Variants in DTD1 observed in about 807,000 individuals in gnomAD.
DTD1 encodes the protein D-aminoacyl-tRNA deacylase 1.
DTD1 carries 13 observed loss-of-function variants against 25.6 expected under a neutral mutation model. That is an observed-to-expected ratio of 0.51 (90% CI 0.33 to 0.81). DTD1 has a LOEUF of 0.81. DTD1 is among the 30% of genes least tolerant of loss of function. DTD1 has a pLI of 0.02. For synonymous variants in DTD1, 110 were observed against 103.6 expected (o/e 1.06, Z -0.37); for missense variants, 193 against 266.4 (o/e 0.72, Z 1.92).
chr20:18,623,717 C>T (rs1192927516), intron 3 of DTD1, among the ~76,000 whole-genome samples: 3 of 152,144 alleles, frequency 2.0e-5, no homozygotes, highest in East Asian at 1.9e-4. Flanking sequence ...GGGCCTCCTG[C>T]GTCCAGCCGG....
intron 4 of DTD1, among the ~76,000 whole-genome samples, chr20:18,658,315 A>T (rs981823372): frequency 1.3e-5 from 2 of 148,720 alleles, no homozygotes; most frequent in African/African-American, 5.0e-5. Flanking sequence ...TGTCTCTTCT[A>T]TTTATACTTA....
intron 4 of DTD1, among the ~76,000 whole-genome samples, chr20:18,716,184 C>T (rs1261709181): frequency 6.6e-6 from 1 of 152,238 alleles, no homozygotes; most frequent in Non-Finnish European, 1.5e-5. Context: ...GTTTCACACA[C>T]TTCCTCCAAA....
rs532444315 is a variant in DTD1 at position 18,665,880 on chromosome 20, G to A, written c.477+37647G>A. Among the ~76,000 whole-genome samples the A allele has an allele frequency of 6.6e-5, 10 of 152,192 alleles. No individual in the cohort carries two copies. The South Asian group carries it at 2.1e-3, about 32-fold the overall frequency. Reference sequence around the variant, plus strand: ...ACAGAAAAGTTGCAAAAATAGAAATGTTGCTGAGAGTATAGAGAGTACCCA... The same window carrying A: ...ACAGAAAAGTTGCAAAAATAGAAATATTGCTGAGAGTATAGAGAGTACCCA... On this transcript the variant is annotated intron_variant, in intron 4 of 5. Transcript: ENST00000377452.
chr20:18,594,404 C>T (rs2060601905), intron 2 of DTD1, among the ~76,000 whole-genome samples: 1 of 152,042 alleles, frequency 6.6e-6, no homozygotes. Flanking sequence ...TGGGCAAACT[C>T]GACTATAGAA....
chr20:18,620,782 A>G (rs1447668493), intron 3 of DTD1, among the ~76,000 whole-genome samples: 2 of 152,020 alleles, frequency 1.3e-5, no homozygotes, highest in Non-Finnish European at 2.9e-5. Flanking sequence ...TTTAAGAGGT[A>G]GAATATTGCT....
chr20:18,678,492 G>T (rs1344439151), intron 4 of DTD1, among the ~76,000 whole-genome samples: 1 of 152,108 alleles, frequency 6.6e-6, no homozygotes, highest in Non-Finnish European at 1.5e-5. Flanking sequence ...TCATTTTCTG[G>T]AAACTCGTAA....
At chr20:18,588,318 C>A (rs62216449) in intron 1 of DTD1, among the ~76,000 whole-genome samples, 23,166 of 152,006 alleles carry the variant, frequency 0.15, 1,879 homozygotes, top group Admixed American at 0.2. Context: ...GCCCCCTGCA[C>A]GTGCCCGACC....
chr20:18,760,622 G>A (rs1024915737), intron 5 of DTD1, among the ~76,000 whole-genome samples: 5 of 152,158 alleles, frequency 3.3e-5, no homozygotes, highest in African/African-American at 9.7e-5. Context: ...GTACCCGGCC[G>A]TGTGAGGTGT....
At chr20:18,722,719 A>G (rs1186831523) in intron 4 of DTD1, among the ~76,000 whole-genome samples, 2 of 152,200 alleles carry the variant, frequency 1.3e-5, no homozygotes, top group African/African-American at 4.8e-5. Context: ...CATAGCAGGT[A>G]GGTGGACCTG....
At chr20:18,593,084 G>A (rs185432064) in intron 1 of DTD1, among the ~76,000 whole-genome samples, 1 of 151,672 alleles carries the variant, frequency 6.6e-6, no homozygotes, top group East Asian at 1.9e-4. Flanking sequence ...TGTGCTTAGA[G>A]CCTTTTTTTT....
At chr20:18,747,891 C>T (rs2061306639) in intron 5 of DTD1, among the ~76,000 whole-genome samples, 2 of 151,714 alleles carry the variant, frequency 1.3e-5, no homozygotes, top group African/African-American at 2.4e-5. Context: ...TGGTGATGCG[C>T]ACCTGTAGTC....
chr20:18,644,344 G>T lies in DTD1; in HGVS notation c.477+16111G>T, dbSNP rs16979444. Among the ~76,000 whole-genome samples the T allele has an allele frequency of 2.4e-3, 368 of 152,268 alleles. 6 individuals carry two copies. The highest frequency in any genetic ancestry group is 0.02 in the Admixed American group (300 of 15,300). ...ATTTTATTCAATAAATGGCTAAACT[G>T]GGAGTTTTACAGGGACTTGTTCTAA... On this transcript the variant is annotated intron_variant, in intron 4 of 5. Transcript: ENST00000377452.
At chr20:18,709,162 A>G (rs893468583) in intron 4 of DTD1, among the ~76,000 whole-genome samples, 9 of 152,316 alleles carry the variant, frequency 5.9e-5, no homozygotes, top group Non-Finnish European at 1.2e-4. Flanking sequence ...GACCCTTTGA[A>G]AAGACTTGTA....
intron 4 of DTD1, among the ~76,000 whole-genome samples, chr20:18,727,322 T>C (rs765974399): frequency 6.6e-6 from 1 of 151,994 alleles, no homozygotes; most frequent in African/African-American, 2.4e-5. Context: ...CAGGCATGAA[T>C]GTAGGCTTGG....
chr20:18,759,361 G>T (rs1421427198), intron 5 of DTD1, among the ~76,000 whole-genome samples: 4 of 152,200 alleles, frequency 2.6e-5, no homozygotes, highest in Non-Finnish European at 5.9e-5. Context: ...GCATGTTTTT[G>T]CAGTGGCTGG....
chr20:18,654,166 A>G (rs1194083662), intron 4 of DTD1, among the ~76,000 whole-genome samples: 2 of 152,222 alleles, frequency 1.3e-5, no homozygotes, highest in Non-Finnish European at 2.9e-5. Flanking sequence ...GAATTTTATG[A>G]TAGCTCCCAT....
intron 4 of DTD1, among the ~76,000 whole-genome samples, chr20:18,662,311 C>T (rs770194355): frequency 6.6e-6 from 1 of 152,104 alleles, no homozygotes; most frequent in Non-Finnish European, 1.5e-5. Context: ...TGACCTCAAG[C>T]GATCTGCCTG....
At chr20:18,629,195 C>T (rs1018314272) in intron 4 of DTD1, among the ~76,000 whole-genome samples, 2 of 151,330 alleles carry the variant, frequency 1.3e-5, no homozygotes, top group African/African-American at 2.4e-5. Context: ...GGGGTTTCTC[C>T]ATGTTGGTCA....
In DTD1 at chr20:18,642,123, G is replaced by A. The variant is rs143573916; in HGVS notation, c.477+13890G>A. 6.8e-3 allele frequency among the ~76,000 whole-genome samples: 1,033 copies of A among 152,264 alleles called. 9 individuals are homozygous for A. The highest frequency in any genetic ancestry group is 0.031 in the Middle Eastern group (9 of 294). ...GACTTTATTTTCTGAAATCACTTGA[G>A]AGTAAGTTGTTGGCCTGATGCCTTC... On this transcript the variant is annotated intron_variant, in intron 4 of 5. Transcript: ENST00000377452.
Sources: gnomAD v4.1 joint callset for allele counts (sites outside exome capture counted in the v4.1 genomes callset) on GRCh38, gnomAD v4.1.1 for gene constraint, MANE v1.5 for transcripts, NCBI Gene and HGNC (gene_info 2026-07-23, HGNC 2026-07-21) for gene names.